DDX52: variants seen among roughly 807,000 people sequenced by gnomAD.
DDX52 encodes DExD-box helicase 52.
Under a neutral mutation model 76.1 loss-of-function variants are expected in DDX52, and 59 were observed. The ratio of observed to expected loss-of-function variants is 0.78; its 90% CI spans 0.63 to 0.96. The LOEUF is 0.96. DDX52 is among the 40% of genes least tolerant of loss of function. The pLI is 0.00. For missense variants in DDX52, 707 were observed against 703.9 expected (o/e 1.00, Z -0.05); for synonymous variants, 231 against 244.1 (o/e 0.95, Z 0.50).
At chr17:37,630,324 T>A in intron 4 of DDX52, 151 bp from the exon 5 acceptor site, 1 of 884,780 alleles carries the variant, frequency 1.1e-6, no homozygotes, top group Non-Finnish European at 1.6e-6. Flanking sequence ...CCTAACATCA[T>A]CCATCCATGC....
chr17:37,610,801 A>G lies in DDX52; in HGVS notation c.*3495T>C, dbSNP rs1465649374. 2 of 152,180 alleles carry G rather than the reference A, an allele frequency of 1.3e-5. No individual in the cohort carries two copies. 9.4% of individuals were successfully genotyped at this position (152,180 alleles called of 1,614,324 possible). ...CTAAAGTCCTTGCTCATTTCACCAG[A>G]GCCAGCTATTCAATTTTTATGTTTT... On this transcript the variant is annotated 3_prime_UTR_variant, in exon 15 of 15. Coordinates refer to ENST00000617633, the MANE Select transcript of DDX52 (RefSeq NM_007010.5).
At chr17:37,630,391 G>A (rs1162826373) in intron 4 of DDX52, among the ~76,000 whole-genome samples, 4 of 152,146 alleles carry the variant, frequency 2.6e-5, no homozygotes, top group African/African-American at 4.8e-5. Context: ...TTGAATGAGT[G>A]TAAAGAATAC....
At position 37,610,953 on chromosome 17, in the gene DDX52, A is replaced by G. The variant is rs918546645; in HGVS notation, c.*3343T>C. 6.6e-6 allele frequency: 1 copy of G among 152,254 alleles called. No individual in the cohort carries two copies. The highest frequency in any genetic ancestry group is 1.5e-5 in the Non-Finnish European group (1 of 68,046). 9.4% of individuals were successfully genotyped at this position (152,254 alleles called of 1,614,324 possible). Reference sequence around the variant, plus strand: ...AAATTTAGTATTAATACACTGACTAAGTTGATACAGGTTACTGTAGATACT... The same window carrying G: ...AAATTTAGTATTAATACACTGACTAGGTTGATACAGGTTACTGTAGATACT... On this transcript the variant is annotated 3_prime_UTR_variant, in exon 15 of 15. Coordinates refer to ENST00000617633, the MANE Select transcript of DDX52 (RefSeq NM_007010.5).
chr17:37,614,466 AT>A, intron 14 of DDX52, 113 bp from the exon 15 acceptor site: 1 of 995,324 alleles, frequency 1.0e-6, no homozygotes, highest in South Asian at 1.7e-5. Flanking sequence ...GTATCAAATA[AT>A]GAGGCACTAG....
intron 6 of DDX52, 22 bp from the exon 7 acceptor site, chr17:37,626,882 G>A (rs759618108): frequency 2.5e-6 from 4 of 1,592,338 alleles, no homozygotes; most frequent in South Asian, 2.3e-5. Flanking sequence ...ACAAATGGTA[G>A]AAATTGCAAA....
chr17:37,610,764 G>A lies in DDX52; in HGVS notation c.*3532C>T, dbSNP rs2064326558. 1.3e-5 allele frequency: 2 copies of A among 152,132 alleles called. No individual in the cohort carries two copies. The highest frequency in any genetic ancestry group is 2.4e-5 in the African/African-American group (1 of 41,418). The allele number at this position is 152,132 out of a possible 1,614,324, so 9.4% of individuals were successfully genotyped here. A position where few individuals can be genotyped will look rare whatever the true frequency, so the allele number is the denominator to read the frequency against. On this transcript the variant is annotated 3_prime_UTR_variant, in exon 15 of 15. Coordinates refer to ENST00000617633, the MANE Select transcript of DDX52 (RefSeq NM_007010.5). ...AATGAGGATCAGGATTCAAATCCAG[G>A]CCAGTTTGACTCTAAAGTCCTTGCT...
Position 37,620,884 on chromosome 17 carries a change from T to A in DDX52, c.1566A>T (p.Pro522=), listed in dbSNP as rs2030048848. The change falls in exon 12 of 15, where the codon CCA becomes CCT. Residue 522 remains proline (P), a synonymous_variant. Coordinates refer to ENST00000617633, the MANE Select transcript of DDX52 (RefSeq NM_007010.5). ...TTTTTCTAATTTACCTTCTTAATAATGGCTTATCATCCTCAGTGAAAAATG... is the reference window on the plus strand; with the variant it reads ...TTTTTCTAATTTACCTTCTTAATAAAGGCTTATCATCCTCAGTGAAAAATG... ...AITFFTEDDK[P]LLRSVANVIQ... is the part of the protein sequence containing the mutation. 6.3e-7 allele frequency: 1 copy of A among 1,591,522 alleles called. No individual in the cohort carries two copies. Among genetic ancestry groups the A allele is most frequent in the African/African-American group, 1.4e-5 (1 of 73,504 alleles).
chr17:37,621,283 T>C lies in DDX52; in HGVS notation c.1351-6A>G, dbSNP rs2030075247. On this transcript the variant is annotated splice_region_variant and splice_polypyrimidine_tract_variant and intron_variant, in intron 10 of 14. Coordinates refer to ENST00000617633, the MANE Select transcript of DDX52 (RefSeq NM_007010.5). ...CTGTGGACTGTGTTATCTCTCTGGT[T>C]AACAGAATATATATTAAATTGTTTT... 1 of 1,603,712 alleles carries C rather than the reference T, an allele frequency of 6.2e-7. No individual in the cohort carries two copies. Among genetic ancestry groups the C allele is most frequent in the South Asian group, 1.1e-5 (1 of 89,708 alleles).
intron 13 of DDX52, among the ~76,000 whole-genome samples, chr17:37,619,248 G>A (rs955261328): frequency 6.6e-5 from 10 of 152,150 alleles, no homozygotes; most frequent in Admixed American, 2.6e-4. Context: ...GCATGGTGGC[G>A]CACACCTGTA....
At chr17:37,619,397 A>G (rs1445436344) in intron 13 of DDX52, among the ~76,000 whole-genome samples, 1 of 152,180 alleles carries the variant, frequency 6.6e-6, no homozygotes, top group East Asian at 1.9e-4. Flanking sequence ...AACATGTAAT[A>G]TTCACAAGCA....
At position 37,614,183 on chromosome 17, in the gene DDX52, G is replaced by T. The variant is rs1269448882; in HGVS notation, c.*113C>A. On this transcript the variant is annotated 3_prime_UTR_variant, in exon 15 of 15. Coordinates refer to ENST00000617633, the MANE Select transcript of DDX52 (RefSeq NM_007010.5). ...TCACCAGTCCCATGTACTTGTAGTT[G>T]ATTTCAAATGTTTGGTACAGGTGAC... 1.8e-6 allele frequency: 2 copies of T among 1,090,142 alleles called. No individual in the cohort carries two copies. The highest frequency in any genetic ancestry group is 2.6e-6 in the Non-Finnish European group (2 of 763,776). 67.5% of individuals were successfully genotyped at this position (1,090,142 alleles called of 1,614,324 possible).
intron 7 of DDX52, among the ~76,000 whole-genome samples, 177 bp downstream of exon 7, chr17:37,626,611 T>C (rs1460520525): frequency 6.6e-6 from 1 of 152,198 alleles, no homozygotes; most frequent in Non-Finnish European, 1.5e-5. Flanking sequence ...GCCTCAAAGA[T>C]ACGAGGTTCC....
Position 37,625,834 on chromosome 17 carries a change from T to TA in DDX52, c.1136+60dup, listed in dbSNP as rs1436238712. 185 of 1,594,958 alleles carry TA rather than the reference T, an allele frequency of 1.2e-4. 2 individuals carry two copies. The South Asian group carries it at 1.9e-3, about 16-fold the overall frequency. On this transcript the variant is annotated intron_variant, in intron 8 of 14. Coordinates refer to ENST00000617633, the MANE Select transcript of DDX52 (RefSeq NM_007010.5). The stretch of plus-strand genomic sequence containing the variant: ...CAAGAAACCTATCTCCTTCAGTCTT[T>TA]AAAAAAGACTTGTATTTAAAAAAAA...
chr17:37,612,527 G>C lies in DDX52; in HGVS notation c.*1769C>G, dbSNP rs529314505. On this transcript the variant is annotated 3_prime_UTR_variant, in exon 15 of 15. Transcript: ENST00000617633. The stretch of plus-strand genomic sequence containing the variant: ...ACAGACTATACCATATAGCCTAGGT[G>C]TACTGGTAGGCTATACCATCTAGGT... 1 of 152,144 alleles carries C rather than the reference G, an allele frequency of 6.6e-6. No homozygotes were observed. Among genetic ancestry groups the C allele is most frequent in the Non-Finnish European group, 1.5e-5 (1 of 68,026 alleles). 9.4% of individuals were successfully genotyped at this position (152,144 alleles called of 1,614,324 possible). A position where few individuals can be genotyped will look rare whatever the true frequency, so the allele number is the denominator to read the frequency against.
intron 11 of DDX52, 63 bp downstream of exon 11, chr17:37,621,064 A>G: frequency 6.4e-7 from 1 of 1,564,312 alleles, no homozygotes; most frequent in Non-Finnish European, 8.6e-7. Context: ...TGTGCAGGGA[A>G]TAGCAGGGGT....
At chr17:37,619,674 T>C in intron 13 of DDX52, 94 bp downstream of exon 13, 1 of 1,095,336 alleles carries the variant, frequency 9.1e-7, no homozygotes, top group Non-Finnish European at 1.3e-6. Context: ...ATCATGCCAC[T>C]GCACTGCAGT....
chr17:37,633,808 C>T (rs2030800478), intron 2 of DDX52, among the ~76,000 whole-genome samples: 1 of 151,940 alleles, frequency 6.6e-6, no homozygotes, highest in African/African-American at 2.4e-5. Context: ...AAGGCAAGTT[C>T]TGTGTTGGTA....
intron 2 of DDX52, among the ~76,000 whole-genome samples, chr17:37,636,220 ATAG>A (rs1396523364): frequency 2.0e-5 from 3 of 152,138 alleles, no homozygotes; most frequent in Non-Finnish European, 4.4e-5. Flanking sequence ...TGGAACTTTT[ATAG>A]TTTTAAAACT....
chr17:37,619,916 C>A, intron 12 of DDX52, 77 bp from the exon 13 acceptor site: 1 of 1,431,254 alleles, frequency 7.0e-7, no homozygotes, highest in East Asian at 2.3e-5. Context: ...TCTGCACAAC[C>A]TTACAGGGAA....
Sources: gnomAD v4.1 joint callset for allele counts (sites outside exome capture counted in the v4.1 genomes callset) on GRCh38, gnomAD v4.1.1 for gene constraint, MANE v1.5 for transcripts, NCBI Gene and HGNC (gene_info 2026-07-23, HGNC 2026-07-21) for gene names.